The following IL10RB variants were observed in gnomAD, a reference collection of about 807,000 sequenced individuals.
The protein encoded by IL10RB is interleukin 10 receptor subunit beta.
A neutral mutation model predicts 38.7 loss-of-function variants in IL10RB; 30 were observed. The ratio of observed to expected loss-of-function variants is 0.78; its 90% CI spans 0.58 to 1.05. The LOEUF is 1.05. Among genes scored for constraint, IL10RB ranks in the 50% least tolerant of loss-of-function variants. The pLI is 0.00. For synonymous variants in IL10RB, 142 were observed against 145.9 expected (o/e 0.97, Z 0.19); for missense variants, 328 against 397.1 (o/e 0.83, Z 1.48).
chr21:33,295,503 C>T (rs1464836061), intron 6 of IL10RB, among the ~76,000 whole-genome samples: 1 of 151,056 alleles, frequency 6.6e-6, no homozygotes, highest in Non-Finnish European at 1.5e-5. Context: ...GAAACCCCAT[C>T]TCTACTAAAA....
chr21:33,272,820 T>G (rs1989105282), intron 2 of IL10RB, among the ~76,000 whole-genome samples: 1 of 152,234 alleles, frequency 6.6e-6, no homozygotes, highest in South Asian at 2.1e-4. Context: ...TCCTTGGCTG[T>G]TGCGAGCTTA....
chr21:33,293,730 C>G (rs1464101023), intron 6 of IL10RB, among the ~76,000 whole-genome samples: 3 of 151,936 alleles, frequency 2.0e-5, no homozygotes, highest in Non-Finnish European at 4.4e-5. Context: ...TCTCTTGAAC[C>G]CGGGAGGCTG....
intron 6 of IL10RB, among the ~76,000 whole-genome samples, chr21:33,294,390 CGTGTGTGTGTGTGT>C (rs34889428): frequency 6.7e-6 from 1 of 148,892 alleles, no homozygotes; most frequent in Non-Finnish European, 1.5e-5. Flanking sequence ...TGTGTGTGTG[CGTGTGTGTGTGTGT>C]GTGTCCAACC....
chr21:33,303,183 C>A (rs1018075180), intron 1 of IL10RB, among the ~76,000 whole-genome samples: 1 of 152,058 alleles, frequency 6.6e-6, no homozygotes, highest in African/African-American at 2.4e-5. Flanking sequence ...CTCTCCCTCC[C>A]GCTAGTTCCC....
intron 6 of IL10RB, among the ~76,000 whole-genome samples, chr21:33,290,968 T>C (rs2123597460): frequency 6.6e-6 from 1 of 152,312 alleles, no homozygotes; most frequent in East Asian, 1.9e-4. Context: ...GATGGTTTCC[T>C]TGGAGGCTGT....
chr21:33,278,117 T>TGAG (rs1411569738), intron 3 of IL10RB, among the ~76,000 whole-genome samples: 1 of 150,578 alleles, frequency 6.6e-6, no homozygotes, highest in Non-Finnish European at 1.5e-5. Context: ...CTTGGGAGGC[T>TGAG]GAGGTGGGAG....
intron 6 of IL10RB, chr21:33,293,865 A>T (rs951680003): frequency 2.5e-6 from 1 of 395,682 alleles, no homozygotes; most frequent in Non-Finnish European, 5.1e-6. Context: ...AGAATCCTCT[A>T]TGAGCTTTTG....
At chr21:33,285,345 T>C (rs1404315117) in intron 5 of IL10RB, among the ~76,000 whole-genome samples, 4 of 152,220 alleles carry the variant, frequency 2.6e-5, no homozygotes, top group African/African-American at 9.6e-5. Flanking sequence ...TTACTACCTA[T>C]AGATTAATTC....
downstream of IL10RB, among the ~76,000 whole-genome samples, chr21:33,298,093 G>A (rs2082975131): frequency 6.6e-6 from 1 of 152,170 alleles, no homozygotes; most frequent in South Asian, 2.1e-4. Flanking sequence ...CTTCCTTCAA[G>A]TGATAGAAGT....
downstream of IL10RB, among the ~76,000 whole-genome samples, chr21:33,302,051 A>G (rs2082987261): frequency 1.3e-5 from 2 of 152,264 alleles, no homozygotes; most frequent in South Asian, 4.1e-4. Context: ...TCATCTTGCC[A>G]GCAGACTCTC....
chr21:33,266,650 C>A, intron 1 of IL10RB, 136 bp downstream of exon 1: 1 of 842,404 alleles, frequency 1.2e-6, no homozygotes, highest in Non-Finnish European at 1.8e-6. Context: ...GCAAACGCCA[C>A]GGCCGGCTGC....
intron 6 of IL10RB, among the ~76,000 whole-genome samples, chr21:33,291,491 C>T (rs1328903024): frequency 1.3e-5 from 2 of 152,136 alleles, no homozygotes; most frequent in Non-Finnish European, 2.9e-5. Flanking sequence ...GTCTCAAACT[C>T]CTGACCTCAA....
At chr21:33,307,183 C>T (rs887623102) in intron 1 of IL10RB, among the ~76,000 whole-genome samples, 2 of 152,188 alleles carry the variant, frequency 1.3e-5, no homozygotes, top group African/African-American at 4.8e-5. Context: ...GGATGCTAAT[C>T]CACCATGTTG....
At chr21:33,267,873 T>G (rs950177831) in intron 1 of IL10RB, 11 of 188,558 alleles carry the variant, frequency 5.8e-5, no homozygotes, top group Non-Finnish European at 1.2e-4. Context: ...AGCCCACATC[T>G]CTTCTTGGTG....
chr21:33,269,938 G>A (rs374489750), intron 2 of IL10RB, among the ~76,000 whole-genome samples: 3 of 152,282 alleles, frequency 2.0e-5, no homozygotes, highest in South Asian at 4.1e-4. Context: ...GATTACAGGC[G>A]TGAGCCACCA....
intron 1 of IL10RB, among the ~76,000 whole-genome samples, chr21:33,304,426 G>T (rs1021625111): frequency 2.6e-5 from 4 of 152,220 alleles, no homozygotes; most frequent in Admixed American, 6.5e-5. Flanking sequence ...TGAGCCATCA[G>T]CAGGATGGCT....
chr21:33,267,403 T>C (rs1988977574), intron 1 of IL10RB, among the ~76,000 whole-genome samples: 1 of 152,014 alleles, frequency 6.6e-6, no homozygotes, highest in African/African-American at 2.4e-5. Context: ...AGTTGGGTGA[T>C]GGGTGGTGGT....
chr21:33,287,908 C>A (rs1156582536), intron 5 of IL10RB, among the ~76,000 whole-genome samples, 196 bp from the exon 6 acceptor site: 1 of 152,096 alleles, frequency 6.6e-6, no homozygotes, highest in Non-Finnish European at 1.5e-5. Context: ...TTCCAGAAAC[C>A]AAACTTTGGA....
intron 5 of IL10RB, among the ~76,000 whole-genome samples, chr21:33,285,269 G>A (rs911464079): frequency 1.3e-5 from 2 of 152,174 alleles, no homozygotes; most frequent in Non-Finnish European, 2.9e-5. Context: ...CCAAATGCTA[G>A]TAAATGAAAA....
Sources: allele counts gnomAD v4.1 joint callset (sites outside exome capture counted in the v4.1 genomes callset), GRCh38; gene constraint gnomAD v4.1.1; transcripts MANE v1.5; gene names NCBI Gene and HGNC (gene_info 2026-07-23, HGNC 2026-07-21).